Variants in CNTNAP5 observed in about 807,000 individuals in gnomAD.
CNTNAP5 encodes contactin-associated protein-like 5.
CNTNAP5 carries 72 observed loss-of-function variants against 150.2 expected under a neutral mutation model. The ratio of observed to expected loss-of-function variants is 0.48; its 90% confidence interval spans 0.40 to 0.58. The LOEUF is 0.58. Among genes scored for constraint, CNTNAP5 ranks in the 20% least tolerant of loss-of-function variants. The probability of loss-of-function intolerance (pLI) is 0.00; values close to 1 mark genes in which losing one functional copy is unlikely to be tolerated. For synonymous variants in CNTNAP5, 672 were observed against 619.8 expected (o/e 1.08, Z -1.25); for missense variants, 1,636 against 1,626.2 (o/e 1.01, Z -0.10).
chr2:124,772,201 T>C (rs1681215908), intron 16 of CNTNAP5, among the ~76,000 whole-genome samples: 1 of 152,164 alleles, frequency 6.6e-6, no homozygotes, highest in African/African-American at 2.4e-5. Context: ...GCTTCCATTA[T>C]ACAAAGATTG....
chr2:124,843,307 T>A (rs901018763), intron 19 of CNTNAP5, among the ~76,000 whole-genome samples: 11 of 152,038 alleles, frequency 7.2e-5, no homozygotes, highest in African/African-American at 2.7e-4. Flanking sequence ...TTGGGCTGGT[T>A]CTGTATTTTT....
At chr2:124,419,152 A>AAAAAAAAAAAAAC (rs772412223) in intron 4 of CNTNAP5, among the ~76,000 whole-genome samples, 5,418 of 120,424 alleles carry the variant, frequency 0.045, 646 homozygotes, top group Non-Finnish European at 0.08. Context: ...AAAAAAAAAA[A>AAAAAAAAAAAAAC]AAAAAAAAAA....
chr2:124,203,211 C>T (rs548697008), intron 1 of CNTNAP5, among the ~76,000 whole-genome samples: 4 of 152,218 alleles, frequency 2.6e-5, no homozygotes, highest in South Asian at 2.1e-4. Context: ...GGAATCAAAT[C>T]GTAAAACTTC....
intron 1 of CNTNAP5, among the ~76,000 whole-genome samples, chr2:124,106,699 T>C (rs1683178682): frequency 1.3e-5 from 2 of 152,156 alleles, no homozygotes; most frequent in Non-Finnish European, 1.5e-5. Context: ...TTACTTGAGT[T>C]CTGTGAGCCA....
intron 1 of CNTNAP5, among the ~76,000 whole-genome samples, chr2:124,189,183 G>A (rs973934459): frequency 1.3e-5 from 2 of 152,052 alleles, no homozygotes; most frequent in Non-Finnish European, 2.9e-5. Context: ...TTAGGTGTTG[G>A]AGATACAGCA....
intron 1 of CNTNAP5, among the ~76,000 whole-genome samples, chr2:124,209,766 C>G (rs559232906): frequency 6.6e-6 from 1 of 152,096 alleles, no homozygotes; most frequent in Non-Finnish European, 1.5e-5. Context: ...CACCTGTCAC[C>G]GAGCTGGTCC....
intron 3 of CNTNAP5, among the ~76,000 whole-genome samples, chr2:124,313,233 A>T (rs926876205): frequency 2.0e-5 from 3 of 152,200 alleles, no homozygotes; most frequent in African/African-American, 7.2e-5. Flanking sequence ...TATACGATTA[A>T]TCACCAGTCA....
intron 3 of CNTNAP5, among the ~76,000 whole-genome samples, chr2:124,370,210 G>A (rs1288426605): frequency 6.6e-6 from 1 of 152,136 alleles, no homozygotes; most frequent in Non-Finnish European, 1.5e-5. Flanking sequence ...CTAAAGCTAC[G>A]TACGTGAACA....
chr2:124,175,109 A>ATG (rs1309455125), intron 1 of CNTNAP5, among the ~76,000 whole-genome samples: 16 of 152,312 alleles, frequency 1.1e-4, no homozygotes, highest in Admixed American at 9.8e-4. Context: ...AAACCAAAAA[A>ATG]TGTGTATGAT....
At chr2:124,342,374 C>G (rs556183323) in intron 3 of CNTNAP5, among the ~76,000 whole-genome samples, 9 of 152,216 alleles carry the variant, frequency 5.9e-5, no homozygotes, top group African/African-American at 1.4e-4. Flanking sequence ...CAAACTATCT[C>G]CAAGTTCTTG....
rs139530570 is a variant in CNTNAP5 at position 124,256,104 on chromosome 2, G to A, written c.381+13711G>A. Among the ~76,000 whole-genome samples the A allele has an allele frequency of 5.6e-3, 850 of 152,158 alleles. 6 individuals are homozygous for A. Among genetic ancestry groups the A allele is most frequent in the African/African-American group, 0.013 (560 of 41,502 alleles). ...ATATATTGGCTGATGTATCTTATGC[G>A]TTTGCTCAGGAAAATATGGTACATT... On this transcript the variant is annotated intron_variant, in intron 3 of 23. Coordinates refer to ENST00000682447, the MANE Select transcript of CNTNAP5 (RefSeq NM_001367498.1).
chr2:124,304,742 G>A (rs1486852480), intron 3 of CNTNAP5, among the ~76,000 whole-genome samples: 2 of 152,144 alleles, frequency 1.3e-5, no homozygotes, highest in Non-Finnish European at 1.5e-5. Context: ...AATGGCCAGA[G>A]GCTTCCTAAT....
chr2:124,894,713 C>A (rs2104751675), intron 21 of CNTNAP5, among the ~76,000 whole-genome samples: 1 of 151,190 alleles, frequency 6.6e-6, no homozygotes, highest in East Asian at 1.9e-4. Context: ...ACCACCACAC[C>A]TGCCTAATTT....
chr2:124,352,995 C>T (rs1334833992), intron 3 of CNTNAP5, among the ~76,000 whole-genome samples: 1 of 152,124 alleles, frequency 6.6e-6, no homozygotes, highest in African/African-American at 2.4e-5. Flanking sequence ...TGCACAGGCT[C>T]AGATCTCAAA....
chr2:124,840,586 C>G (rs1312381057), intron 19 of CNTNAP5, among the ~76,000 whole-genome samples: 1 of 152,058 alleles, frequency 6.6e-6, no homozygotes, highest in African/African-American at 2.4e-5. Context: ...CAGGTGGACT[C>G]AGAGGCAGAA....
chr2:124,650,773 T>G (rs2105030946), intron 13 of CNTNAP5, among the ~76,000 whole-genome samples: 1 of 152,302 alleles, frequency 6.6e-6, no homozygotes, highest in Non-Finnish European at 1.5e-5. Context: ...CATATCATCA[T>G]TTTCATTAAC....
In CNTNAP5 at chr2:124,883,277, G is replaced by A. The variant is rs190965824; in HGVS notation, c.3436+13515G>A. On this transcript the variant is annotated intron_variant, in intron 21 of 23. Coordinates refer to ENST00000682447, the MANE Select transcript of CNTNAP5 (RefSeq NM_001367498.1). Reference sequence around the variant, plus strand: ...GGCTTTCACCATGTTGCCCGGGCTGGTCTTGAACTCATGGGCTCAAGCAAT... The same window carrying A: ...GGCTTTCACCATGTTGCCCGGGCTGATCTTGAACTCATGGGCTCAAGCAAT... 5.9e-5 allele frequency among the ~76,000 whole-genome samples: 9 copies of A among 151,956 alleles called. No homozygotes were observed. The East Asian group carries it at 1.8e-3, about 30-fold the overall frequency.
intron 4 of CNTNAP5, among the ~76,000 whole-genome samples, chr2:124,428,819 C>A (rs1692301627): frequency 6.6e-6 from 1 of 152,006 alleles, no homozygotes; most frequent in Admixed American, 6.6e-5. Context: ...AAAGAAATCT[C>A]CACAAGTGTG....
chr2:124,352,461 C>T (rs968618758), intron 3 of CNTNAP5, among the ~76,000 whole-genome samples: 24 of 152,186 alleles, frequency 1.6e-4, no homozygotes, highest in Admixed American at 1.6e-3. Context: ...CTGTGAAAGA[C>T]AAAACAGTGC....
Sources: gnomAD v4.1 joint callset for allele counts (sites outside exome capture counted in the v4.1 genomes callset) on GRCh38, gnomAD v4.1.1 for gene constraint, MANE v1.5 for transcripts, NCBI Gene and HGNC (gene_info 2026-07-23, HGNC 2026-07-21) for gene names.